The following KCND2 variants were observed in gnomAD, a reference collection of about 807,000 sequenced individuals.
The protein encoded by KCND2 is A-type voltage-gated potassium channel KCND2.
Under a neutral mutation model 54.4 loss-of-function variants are expected in KCND2, and 16 were observed. The observed-to-expected ratio is 0.29, with a 90% CI of 0.20 to 0.45. KCND2 has a LOEUF of 0.45. KCND2 is among the 20% of genes least tolerant of loss of function. The pLI is 1.00. For missense variants in KCND2, 486 were observed against 824.2 expected, an observed-to-expected ratio of 0.59 and a Z score of 5.02; for synonymous variants, 317 against 310.7, an observed-to-expected ratio of 1.02 and a Z score of -0.21.
At position 120,585,543 on chromosome 7, in the gene KCND2, G is replaced by T. The variant is rs556733982; in HGVS notation, c.1116-147360G>T. Among the ~76,000 whole-genome samples, 4 of 152,244 alleles carry T rather than the reference G, an allele frequency of 2.6e-5. No homozygotes were observed. In the South Asian group the frequency reaches 8.3e-4, roughly 32 times the overall value. ...AGAGAAAGCATGGGTCTGAATTCAG[G>T]TAGATAAAAAGAGCATCAGTTTGCA... On this transcript the variant is annotated intron_variant, in intron 1 of 5. Coordinates refer to ENST00000331113, the MANE Select transcript of KCND2 (RefSeq NM_012281.3).
At chr7:120,351,244 G>A (rs201276751) in intron 1 of KCND2, among the ~76,000 whole-genome samples, 122 of 137,348 alleles carry the variant, frequency 8.9e-4, no homozygotes, top group African/African-American at 2.6e-3. Flanking sequence ...TTATATGTGT[G>A]TATATATATA....
At chr7:120,636,635 G>T (rs927739939) in intron 1 of KCND2, among the ~76,000 whole-genome samples, 1 of 151,996 alleles carries the variant, frequency 6.6e-6, no homozygotes, top group African/African-American at 2.4e-5. Context: ...GAAGAGATTG[G>T]GTTCCCACAT....
chr7:120,331,232 T>G (rs1399778934), intron 1 of KCND2, among the ~76,000 whole-genome samples: 4 of 152,088 alleles, frequency 2.6e-5, no homozygotes, highest in Non-Finnish European at 4.4e-5. Context: ...TGCCCAGAAC[T>G]TAAATTAAAA....
chr7:120,402,339 G>A (rs1801274544), intron 1 of KCND2, among the ~76,000 whole-genome samples: 1 of 152,094 alleles, frequency 6.6e-6, no homozygotes, highest in Admixed American at 6.6e-5. Flanking sequence ...ACAAAGAACG[G>A]GGAGTACAAC....
At chr7:120,407,405 GCA>G (rs1801378410) in intron 1 of KCND2, among the ~76,000 whole-genome samples, 1 of 152,020 alleles carries the variant, frequency 6.6e-6, no homozygotes, top group Non-Finnish European at 1.5e-5. Context: ...AAGTGTGACA[GCA>G]CTTCATGCAT....
intron 1 of KCND2, among the ~76,000 whole-genome samples, chr7:120,665,712 G>C (rs1044000484): frequency 1.3e-5 from 2 of 151,966 alleles, no homozygotes; most frequent in Non-Finnish European, 2.9e-5. Flanking sequence ...TTCTCTTTAC[G>C]ATAATTGACT....
At chr7:120,453,308 G>T (rs528440307) in intron 1 of KCND2, among the ~76,000 whole-genome samples, 48 of 152,228 alleles carry the variant, frequency 3.2e-4, no homozygotes, top group African/African-American at 1.1e-3. Flanking sequence ...TAACACCATT[G>T]TTGGCAGGAG....
intron 1 of KCND2, among the ~76,000 whole-genome samples, chr7:120,496,671 G>T (rs113395030): frequency 2.0e-5 from 3 of 151,956 alleles, no homozygotes; most frequent in Non-Finnish European, 2.9e-5. Flanking sequence ...TGATCCACCT[G>T]CCTCGGCCTC....
intron 1 of KCND2, among the ~76,000 whole-genome samples, chr7:120,383,019 C>A (rs952542148): frequency 6.6e-6 from 1 of 151,894 alleles, no homozygotes; most frequent in African/African-American, 2.4e-5. Flanking sequence ...GTTAGCTACA[C>A]CTAAGTTTGC....
chr7:120,623,619 A>G (rs1793130380), intron 1 of KCND2, among the ~76,000 whole-genome samples: 1 of 152,248 alleles, frequency 6.6e-6, no homozygotes. Context: ...TTAAAGTTCT[A>G]TAGCACTTAG....
At chr7:120,461,987 A>G (rs1184355351) in intron 1 of KCND2, among the ~76,000 whole-genome samples, 2 of 152,166 alleles carry the variant, frequency 1.3e-5, no homozygotes, top group Non-Finnish European at 2.9e-5. Context: ...TAAGGCACTT[A>G]GATATAAGAA....
intron 4 of KCND2, 150 bp from the exon 5 acceptor site, chr7:120,745,630 G>A (rs1792996401): frequency 6.4e-6 from 5 of 786,742 alleles, no homozygotes; most frequent in Non-Finnish European, 8.3e-6. Flanking sequence ...AAGTGGTTTT[G>A]ATGTCAATCT....
intron 4 of KCND2, among the ~76,000 whole-genome samples, chr7:120,744,269 T>A (rs1371826717): frequency 6.6e-6 from 1 of 152,020 alleles, no homozygotes; most frequent in African/African-American, 2.4e-5. Context: ...TCTCAATAAA[T>A]AAATAAATAA....
At position 120,683,161 on chromosome 7, in the gene KCND2, G is replaced by A. The variant is rs138284068; in HGVS notation, c.1116-49742G>A. On this transcript the variant is annotated intron_variant, in intron 1 of 5. Coordinates refer to ENST00000331113, the MANE Select transcript of KCND2 (RefSeq NM_012281.3). ...ACTACTTTTTTCTGAGCAAAGTTTCGTATCAAGCACCAAGCATCATGCCTT... is the reference window on the plus strand; with the variant it reads ...ACTACTTTTTTCTGAGCAAAGTTTCATATCAAGCACCAAGCATCATGCCTT... Among the ~76,000 whole-genome samples the A allele has an allele frequency of 5.5e-3, 838 of 152,226 alleles. 7 individuals are homozygous for A. The highest frequency in any genetic ancestry group is 0.019 in the African/African-American group (797 of 41,542).
intron 1 of KCND2, among the ~76,000 whole-genome samples, chr7:120,668,448 A>AT (rs1416315754): frequency 6.6e-6 from 1 of 152,080 alleles, no homozygotes; most frequent in Admixed American, 6.6e-5. Context: ...CTTTAAAATA[A>AT]TTATCCCTGC....
intron 1 of KCND2, among the ~76,000 whole-genome samples, chr7:120,409,166 G>A (rs969465969): frequency 9.9e-5 from 15 of 151,918 alleles, no homozygotes; most frequent in South Asian, 6.2e-4. Context: ...GGAACAAGGC[G>A]TTGGTGTCAG....
At chr7:120,652,503 A>G (rs566278284) in intron 1 of KCND2, among the ~76,000 whole-genome samples, 134 of 152,290 alleles carry the variant, frequency 8.8e-4, no homozygotes, top group African/African-American at 3.1e-3. Flanking sequence ...CCCCAACAAT[A>G]AAAAAGGAAT....
rs1256170445 is a variant in KCND2 at position 120,571,110 on chromosome 7, G to T, written c.1116-161793G>T. Reference sequence around the variant, plus strand: ...TACGAGCTTCACTGAAACAGATCGTGTAAGTACTTCTTCACAGCTGCACAC... The same window carrying T: ...TACGAGCTTCACTGAAACAGATCGTTTAAGTACTTCTTCACAGCTGCACAC... On this transcript the variant is annotated intron_variant, in intron 1 of 5. Coordinates refer to ENST00000331113, the MANE Select transcript of KCND2 (RefSeq NM_012281.3). Among the ~76,000 whole-genome samples the T allele has an allele frequency of 2.6e-5, 4 of 152,226 alleles. No homozygotes were observed. The South Asian group carries it at 8.3e-4, about 32-fold the overall frequency.
chr7:120,744,480 T>C (rs887019759), intron 4 of KCND2, among the ~76,000 whole-genome samples: 2 of 152,142 alleles, frequency 1.3e-5, no homozygotes, highest in Non-Finnish European at 1.5e-5. Flanking sequence ...AACTTAGGTA[T>C]GTGAAACCAT....
Sources: allele counts gnomAD v4.1 joint callset (sites outside exome capture counted in the v4.1 genomes callset), GRCh38; gene constraint gnomAD v4.1.1; transcripts MANE v1.5; gene names NCBI Gene and HGNC (gene_info 2026-07-23, HGNC 2026-07-21).